Variants in RBFOX3 observed in about 807,000 individuals in gnomAD.
RBFOX3 encodes the protein RNA binding fox-1 homolog 3.
RBFOX3 carries 17 observed loss-of-function variants against 48.7 expected under a neutral mutation model. The observed-to-expected ratio is 0.35, with a 90% CI of 0.24 to 0.52. RBFOX3 has a LOEUF of 0.52. RBFOX3 is among the 20% of genes least tolerant of loss of function. RBFOX3 has a pLI of 0.94. For missense variants in RBFOX3, 382 were observed against 497.5 expected (o/e 0.77, Z 2.21); for synonymous variants, 212 against 209.5 (o/e 1.01, Z -0.10).
intron 2 of RBFOX3, among the ~76,000 whole-genome samples, chr17:79,459,863 C>A (rs2075137383): frequency 6.6e-6 from 1 of 152,082 alleles, no homozygotes; most frequent in Non-Finnish European, 1.5e-5. Context: ...GAAAATAGTC[C>A]CACATGTCTA....
At chr17:79,450,303 A>G (rs2073229807) in intron 2 of RBFOX3, among the ~76,000 whole-genome samples, 1 of 152,232 alleles carries the variant, frequency 6.6e-6, no homozygotes, top group Admixed American at 6.5e-5. Context: ...TCAGGCTGTG[A>G]ATGAAGGCCT....
rs140934855 is a variant in RBFOX3 at position 79,094,991 on chromosome 17, TTGTC to T, written c.999-466_999-463del. Among the ~76,000 whole-genome samples, 515 of 152,132 alleles carry T rather than the reference TTGTC, an allele frequency of 3.4e-3. 2 individuals carry two copies. The highest frequency in any genetic ancestry group is 0.011 in the African/African-American group (471 of 41,514). On this transcript the variant is annotated intron_variant, in intron 13 of 14. Transcript: ENST00000693108. ...CCCTCACGACTTTCCCTTCAGCAGT[TTGTC>T]TGTGCAGGGAACTCTCAGCTCCTTA...
At chr17:79,115,437 G>C in intron 5 of RBFOX3, 57 bp downstream of exon 5, 1 of 1,142,644 alleles carries the variant, frequency 8.8e-7, no homozygotes, top group East Asian at 3.2e-5. Context: ...CCTTCTTCTG[G>C]GTGGGTGCTC....
chr17:79,246,811 G>T (rs964970869), intron 3 of RBFOX3, among the ~76,000 whole-genome samples: 5 of 152,176 alleles, frequency 3.3e-5, no homozygotes, highest in Non-Finnish European at 7.3e-5. Flanking sequence ...TGTTGCAGGG[G>T]ATGCTGGGTT....
intron 8 of RBFOX3, among the ~76,000 whole-genome samples, chr17:79,102,130 C>CT (rs1189087785): frequency 1.3e-5 from 2 of 152,244 alleles, no homozygotes; most frequent in Non-Finnish European, 2.9e-5. Context: ...ACAGAGGTCT[C>CT]TGATGGGGCC....
intron 4 of RBFOX3, among the ~76,000 whole-genome samples, chr17:79,141,731 T>C (rs1458236326): frequency 6.6e-5 from 10 of 152,150 alleles, no homozygotes; most frequent in Admixed American, 6.5e-5. Flanking sequence ...AAAGCAGGCA[T>C]AAGACAGCCT....
intron 4 of RBFOX3, among the ~76,000 whole-genome samples, chr17:79,171,520 T>C (rs550649686): frequency 6.6e-6 from 1 of 152,128 alleles, no homozygotes; most frequent in Non-Finnish European, 1.5e-5. Flanking sequence ...ATAAAACTTT[T>C]AAAAAATAAA....
intron 1 of RBFOX3, among the ~76,000 whole-genome samples, chr17:79,502,006 G>C (rs1178243638): frequency 6.6e-6 from 1 of 152,180 alleles, no homozygotes; most frequent in Non-Finnish European, 1.5e-5. Context: ...GGGTGAAGTG[G>C]ACAGATCCTG....
chr17:79,377,881 C>T (rs1277671747), intron 2 of RBFOX3, among the ~76,000 whole-genome samples: 1 of 152,166 alleles, frequency 6.6e-6, no homozygotes, highest in African/African-American at 2.4e-5. Flanking sequence ...ATTCCCAGCA[C>T]TCTAGAGAGG....
chr17:79,420,692 C>T (rs1316422555), intron 2 of RBFOX3, among the ~76,000 whole-genome samples: 2 of 152,218 alleles, frequency 1.3e-5, no homozygotes, highest in Admixed American at 6.5e-5. Context: ...CTCGGCCACC[C>T]GAGGGGAGGG....
At chr17:79,531,505 G>A (rs1468917155) in intron 1 of RBFOX3, among the ~76,000 whole-genome samples, 1 of 152,300 alleles carries the variant, frequency 6.6e-6, no homozygotes, top group Non-Finnish European at 1.5e-5. Context: ...ATTCATCTGA[G>A]TGCACGGGGG....
intron 3 of RBFOX3, among the ~76,000 whole-genome samples, chr17:79,279,599 C>T (rs575436995): frequency 1.3e-5 from 2 of 152,318 alleles, no homozygotes; most frequent in East Asian, 3.9e-4. Context: ...TTCTGGTCAC[C>T]CTGTCCTGTC....
intron 2 of RBFOX3, among the ~76,000 whole-genome samples, chr17:79,389,179 C>T (rs1274404379): frequency 1.3e-5 from 2 of 152,206 alleles, no homozygotes; most frequent in Non-Finnish European, 2.9e-5. Flanking sequence ...CTCTCTCCCT[C>T]GCTGCTCTTC....
chr17:79,402,994 C>T (rs1488036266), intron 2 of RBFOX3, among the ~76,000 whole-genome samples: 1 of 152,156 alleles, frequency 6.6e-6, no homozygotes, highest in Non-Finnish European at 1.5e-5. Context: ...TGCTGAAGGT[C>T]TTCATCTGCT....
In RBFOX3 at chr17:79,483,181, T is replaced by C. The variant is rs868965426; in HGVS notation, c.-319-583A>G. ...CCAGGTGAATCTGGCTTCTGTGATT[T>C]GGGGACTTCCTAAGAAAATAACATA... is the stretch of plus-strand genomic sequence containing the variant. On this transcript the variant is annotated intron_variant, in intron 1 of 14. Transcript: ENST00000693108. Among the ~76,000 whole-genome samples, 1,020 of 152,146 alleles carry C rather than the reference T, an allele frequency of 6.7e-3. 14 individuals carry two copies. The highest frequency in any genetic ancestry group is 0.02 in the Middle Eastern group (6 of 294).
chr17:79,567,176 CTTTCTTTTTTTTT>C (rs2092489043), intron 1 of RBFOX3, among the ~76,000 whole-genome samples: 1 of 121,130 alleles, frequency 8.3e-6, no homozygotes, highest in South Asian at 2.9e-4. Context: ...TTCTTTCTTT[CTTTCTTTTTTTTT>C]TTTTTTTTTT....
chr17:79,403,482 T>C (rs1169283422), intron 2 of RBFOX3, among the ~76,000 whole-genome samples: 1 of 152,198 alleles, frequency 6.6e-6, no homozygotes, highest in Non-Finnish European at 1.5e-5. Flanking sequence ...AGCTCAGGAA[T>C]AATCCGTGAA....
At chr17:79,151,330 G>A (rs554811531) in intron 4 of RBFOX3, among the ~76,000 whole-genome samples, 35 of 148,392 alleles carry the variant, frequency 2.4e-4, no homozygotes, top group African/African-American at 7.5e-4. Flanking sequence ...GCGTGGTCCC[G>A]ACGGCTCTGG....
At chr17:79,370,253 C>T (rs1373001217) in intron 2 of RBFOX3, among the ~76,000 whole-genome samples, 1 of 152,236 alleles carries the variant, frequency 6.6e-6, no homozygotes, top group Non-Finnish European at 1.5e-5. Flanking sequence ...AAGCTGGAGA[C>T]ACCACTCTGC....
Sources: allele counts gnomAD v4.1 joint callset (sites outside exome capture counted in the v4.1 genomes callset), GRCh38; gene constraint gnomAD v4.1.1; transcripts MANE v1.5; gene names NCBI Gene and HGNC (gene_info 2026-07-23, HGNC 2026-07-21).